RC3H1: variants seen among roughly 807,000 people sequenced by gnomAD.
RC3H1 encodes roquin-1.
A neutral mutation model predicts 138.2 loss-of-function variants in RC3H1; 50 were observed. The observed-to-expected ratio is 0.36, with a 90% CI of 0.29 to 0.46. The LOEUF is 0.46. Ranked by LOEUF, RC3H1 falls within the 20% of genes least tolerant of loss-of-function variation. The probability of loss-of-function intolerance (pLI) is 1.00; values close to 1 mark genes in which losing one functional copy is unlikely to be tolerated. For missense variants in RC3H1, 1,031 were observed against 1,388.1 expected, an observed-to-expected ratio of 0.74 and a Z score of 4.09; for synonymous variants, 462 against 489.1, an observed-to-expected ratio of 0.94 and a Z score of 0.73.
At chr1:173,963,333 T>G (rs1224049191) in intron 11 of RC3H1, among the ~76,000 whole-genome samples, 1 of 152,170 alleles carries the variant, frequency 6.6e-6, no homozygotes, top group Non-Finnish European at 1.5e-5. Context: ...GTCTTTTTGA[T>G]TCCTCAAGTT....
chr1:173,974,540 G>GA (rs746564425), intron 7 of RC3H1, among the ~76,000 whole-genome samples: 4 of 152,038 alleles, frequency 2.6e-5, no homozygotes, highest in Non-Finnish European at 4.4e-5. Flanking sequence ...TTGACATGCA[G>GA]AATAATATAC....
At chr1:173,992,733 A>G in intron 2 of RC3H1, 22 bp downstream of exon 2, 1 of 1,539,728 alleles carries the variant, frequency 6.5e-7, no homozygotes, top group East Asian at 2.3e-5. Flanking sequence ...GAAATTTAAA[A>G]GTATTAAGTC....
chr1:173,960,960 C>T (rs1659846732), intron 13 of RC3H1, 117 bp downstream of exon 13: 4 of 962,534 alleles, frequency 4.2e-6, no homozygotes, highest in African/African-American at 1.7e-5. Context: ...TGATAAAAAA[C>T]CTTTCAGAGG....
chr1:173,993,073 T>A lies in RC3H1; in HGVS notation c.-88A>T. 1.1e-6 allele frequency: 1 copy of A among 945,164 alleles called. No homozygotes were observed. Among genetic ancestry groups the A allele is most frequent in the Non-Finnish European group, 1.6e-6 (1 of 617,892 alleles). 58.5% of individuals were successfully genotyped at this position (945,164 alleles called of 1,614,324 possible). On this transcript the variant is annotated 5_prime_UTR_variant, in exon 2 of 20. Transcript: ENST00000367696. ...TGGAATCAAAATCTTTGAAAAAAAG[T>A]TTATCTTTTTTTTTTTTAAATATCT...
Position 173,951,871 on chromosome 1 carries a change from A to G in RC3H1, c.2523+115T>C, listed in dbSNP as rs915519399. On this transcript the variant is annotated intron_variant, in intron 14 of 19. Coordinates refer to ENST00000367696, the MANE Select transcript of RC3H1 (RefSeq NM_172071.4). ...AGATAACTCAACTGCAGAGTATAGAATATGGTCTGAAACTCTTAAGCAAAG... is the reference window on the plus strand; with the variant it reads ...AGATAACTCAACTGCAGAGTATAGAGTATGGTCTGAAACTCTTAAGCAAAG... 5.5e-6 allele frequency: 5 copies of G among 905,470 alleles called. No homozygotes were observed. In the African/African-American group the frequency reaches 8.4e-5, roughly 15 times the overall value. 56.1% of individuals were successfully genotyped at this position (905,470 alleles called of 1,614,324 possible). A position where few individuals can be genotyped will look rare whatever the true frequency, so the allele number is the denominator to read the frequency against.
chr1:173,963,967 C>A lies in RC3H1; in HGVS notation c.1831+6G>T. 1.2e-6 allele frequency: 2 copies of A among 1,612,242 alleles called. No individual in the cohort carries two copies. The highest frequency in any genetic ancestry group is 2.2e-5 in the South Asian group (2 of 90,904). On this transcript the variant is annotated splice_donor_region_variant and intron_variant, in intron 11 of 19. Transcript: ENST00000367696. Reference sequence around the variant, plus strand: ...AAAGTTAGCAATATAAATTTAAAATCGTTACCCTGCTGATAAGGTGCTGGT... The same window carrying A: ...AAAGTTAGCAATATAAATTTAAAATAGTTACCCTGCTGATAAGGTGCTGGT...
chr1:173,972,630 A>G lies in RC3H1; in HGVS notation c.1103-3T>C, dbSNP rs2102974981. The G allele has an allele frequency of 3.8e-6, 6 of 1,579,072 alleles. No individual in the cohort carries two copies. The highest frequency in any genetic ancestry group is 5.2e-6 in the Non-Finnish European group (6 of 1,148,102). On this transcript the variant is annotated splice_region_variant and splice_polypyrimidine_tract_variant and intron_variant, in intron 7 of 19. Coordinates refer to ENST00000367696, the MANE Select transcript of RC3H1 (RefSeq NM_172071.4). ...TTCCCAAGTAGGAGGAGGAGCATCT[A>G]TACAACCAATGATAATGTTTTAAAC...
At chr1:173,973,322 G>A (rs955212365) in intron 7 of RC3H1, among the ~76,000 whole-genome samples, 29 of 152,272 alleles carry the variant, frequency 1.9e-4, no homozygotes, top group Middle Eastern at 3.4e-3. Flanking sequence ...CAGATCACAA[G>A]ATCAAGAGAT....
Position 173,938,677 on chromosome 1 carries a change from C to T in RC3H1, c.*44G>A. ...TGCGTTCTCCTACCCCTATGCCCGA[C>T]AAACTGATTAGGAGCAGAAGATAAA... On this transcript the variant is annotated 3_prime_UTR_variant, in exon 20 of 20. Transcript: ENST00000367696. 1 of 1,492,332 alleles carries T rather than the reference C, an allele frequency of 6.7e-7. No individual in the cohort carries two copies. Among genetic ancestry groups the T allele is most frequent in the Non-Finnish European group, 9.1e-7 (1 of 1,101,570 alleles). 92.4% of individuals were successfully genotyped at this position (1,492,332 alleles called of 1,614,324 possible).
chr1:173,992,976 G>A lies in RC3H1; in HGVS notation c.10C>T (p.Gln4Ter). 1 of 1,611,988 alleles carries A rather than the reference G, an allele frequency of 6.2e-7. No homozygotes were observed. The highest frequency in any genetic ancestry group is 8.5e-7 in the Non-Finnish European group (1 of 1,178,250). The change falls in exon 2 of 20, where the codon CAA becomes TAA. Residue 4 changes from glutamine to a stop codon, truncating the protein, a stop_gained. Transcript: ENST00000367696. LOFTEE classifies it high-confidence loss of function. MPV[Q>*]APQWTDFLSC... ...AGGAAATCCGTCCATTGTGGAGCTT[G>A]TACAGGCATTGCTTCTGGAGTTACA... is the stretch of plus-strand genomic sequence containing the variant.
At chr1:174,015,045 T>C (rs1465172767) in intron 1 of RC3H1, among the ~76,000 whole-genome samples, 1 of 152,200 alleles carries the variant, frequency 6.6e-6, no homozygotes, top group Admixed American at 6.5e-5. Context: ...CTCAGGCTAA[T>C]GTGACTTTTT....
chr1:173,956,520 G>A (rs1651449714), intron 13 of RC3H1, among the ~76,000 whole-genome samples: 2 of 151,596 alleles, frequency 1.3e-5, no homozygotes, highest in African/African-American at 4.8e-5. Context: ...TTAGCTGGGC[G>A]TGGTGGTGCA....
chr1:174,017,724 T>TA (rs1241585621), intron 1 of RC3H1, among the ~76,000 whole-genome samples: 6 of 97,588 alleles, frequency 6.1e-5, no homozygotes, highest in Non-Finnish European at 8.3e-5. Flanking sequence ...TTAACCTCAA[T>TA]AAAAAAAATT....
chr1:174,014,455 CTGA>C (rs1661822202), intron 1 of RC3H1, among the ~76,000 whole-genome samples: 1 of 152,100 alleles, frequency 6.6e-6, no homozygotes, highest in African/African-American at 2.4e-5. Context: ...TATAAATAGA[CTGA>C]TGTGGGAAGA....
At chr1:174,009,075 A>G (rs1661705842) in intron 1 of RC3H1, among the ~76,000 whole-genome samples, 1 of 152,134 alleles carries the variant, frequency 6.6e-6, no homozygotes, top group South Asian at 2.1e-4. Context: ...TCAGAATCAA[A>G]TATGACACTT....
intron 7 of RC3H1, among the ~76,000 whole-genome samples, chr1:173,974,277 C>CAAAAAAA (rs571801899): frequency 4.2e-5 from 2 of 47,184 alleles, no homozygotes; most frequent in African/African-American, 8.4e-5. Context: ...GAGACTGTCT[C>CAAAAAAA]AAAAAAAAAA....
chr1:173,979,793 A>C (rs920778356), intron 6 of RC3H1, among the ~76,000 whole-genome samples: 1 of 152,254 alleles, frequency 6.6e-6, no homozygotes, highest in African/African-American at 2.4e-5. Flanking sequence ...GCTCCTGTCC[A>C]AACCTAAGAG....
intron 1 of RC3H1, among the ~76,000 whole-genome samples, chr1:173,996,213 C>T (rs1035445229): frequency 2.6e-5 from 4 of 151,862 alleles, no homozygotes; most frequent in Admixed American, 6.6e-5. Flanking sequence ...GAAATCACGC[C>T]GTTGCACTCT....
chr1:173,966,034 C>T (rs1461961731), intron 9 of RC3H1, among the ~76,000 whole-genome samples: 2 of 151,872 alleles, frequency 1.3e-5, no homozygotes, highest in Admixed American at 6.6e-5. Flanking sequence ...CCCAGCTACT[C>T]GGGAGGTTGA....
Sources: allele counts gnomAD v4.1 joint callset (sites outside exome capture counted in the v4.1 genomes callset), GRCh38; gene constraint gnomAD v4.1.1; transcripts MANE v1.5; gene names NCBI Gene and HGNC (gene_info 2026-07-23, HGNC 2026-07-21).